TM4SF20: variants seen among roughly 807,000 people sequenced by gnomAD.
The protein encoded by TM4SF20 is transmembrane 4 L six family member 20, also known as transmembrane 4 L6 family member 20.
In TM4SF20, 13 loss-of-function variants were observed where a neutral mutation model predicts 15.1. That is an observed-to-expected ratio of 0.86 (90% CI 0.56 to 1.36). The LOEUF (loss-of-function observed/expected upper bound fraction) is 1.36. Ranked by LOEUF, TM4SF20 falls within the 40% of genes most tolerant of loss-of-function variation. The probability of loss-of-function intolerance (pLI) is 0.00; values close to 1 mark genes in which losing one functional copy is unlikely to be tolerated. For synonymous variants in TM4SF20, 92 were observed against 96.6 expected (o/e 0.95, Z 0.28); for missense variants, 282 against 268.4 (o/e 1.05, Z -0.35).
At chr2:227,364,383 A>ACCCCCCCCC (rs1315331304) in intron 3 of TM4SF20, among the ~76,000 whole-genome samples, 1 of 143,436 alleles carries the variant, frequency 7.0e-6, no homozygotes, top group African/African-American at 2.8e-5. Flanking sequence ...AGCCTCCCCT[A>ACCCCCCCCC]CCCCCCGCCA....
chr2:227,363,779 ATGACTATC>A lies in TM4SF20; in HGVS notation c.627_634del (p.Gln209HisfsTer12). 1 of 1,614,202 alleles carries A rather than the reference ATGACTATC, an allele frequency of 6.2e-7. No individual in the cohort carries two copies. The highest frequency in any genetic ancestry group is 8.5e-7 in the Non-Finnish European group (1 of 1,180,038). ...TCCACACAGACAGCCAAGGAAACCG[ATGACTATC>A]TGACTGAGCCCAAACAGGACCTCCA... is the stretch of plus-strand genomic sequence containing the variant. On this transcript the variant is annotated frameshift_variant, in exon 4 of 4. Coordinates refer to ENST00000304568, the MANE Select transcript of TM4SF20 (RefSeq NM_024795.4). LOFTEE classifies it high-confidence loss of function.
At chr2:227,372,715 G>A (rs1269980490) in intron 1 of TM4SF20, among the ~76,000 whole-genome samples, 1 of 151,974 alleles carries the variant, frequency 6.6e-6, no homozygotes, top group Non-Finnish European at 1.5e-5. Context: ...GTTTTGTTTT[G>A]TTTTTTTGAG....
At position 227,366,235 on chromosome 2, in the gene TM4SF20, A is replaced by C. The variant is rs1299500375; in HGVS notation, c.259T>G (p.Ser87Ala). Residue 87 changes from serine (S) to alanine (A), a missense_variant, in exon 3 of 4, where the codon TCA becomes GCA. Physicochemically the swap from Ser to Ala is moderately conservative, Grantham distance 99 (BLOSUM62 1). Coordinates refer to ENST00000304568, the MANE Select transcript of TM4SF20 (RefSeq NM_024795.4). ...CCNNRTGMFL[S>A]SLFSVITVIG... ...ACTGTGATCACACTGAAAAGTGATG[A>C]AAGAAACATCTGAAAAATAAAATAG... 5 of 1,607,834 alleles carry C rather than the reference A, an allele frequency of 3.1e-6. No homozygotes were observed. Among genetic ancestry groups the C allele is most frequent in the Non-Finnish European group, 4.2e-6 (5 of 1,178,530 alleles).
chr2:227,368,765 G>C (rs1423323154), intron 2 of TM4SF20, among the ~76,000 whole-genome samples: 1 of 152,232 alleles, frequency 6.6e-6, no homozygotes, highest in South Asian at 2.1e-4. Flanking sequence ...AAATGATTCA[G>C]CAAAACCATT....
At chr2:227,368,338 T>TATAC (rs1332995208) in intron 2 of TM4SF20, among the ~76,000 whole-genome samples, 3 of 129,948 alleles carry the variant, frequency 2.3e-5, no homozygotes, top group African/African-American at 1.0e-4. Flanking sequence ...CTATTATTTA[T>TATAC]ATATATATAT....
chr2:227,363,758 C>T lies in TM4SF20; in HGVS notation c.656G>A (p.Cys219Tyr). 6.2e-7 allele frequency: 1 copy of T among 1,614,178 alleles called. No individual in the cohort carries two copies. Among genetic ancestry groups the T allele is most frequent in the South Asian group, 1.1e-5 (1 of 91,086 alleles). The change falls in exon 4 of 4, where the codon TGT (cysteine) becomes TAT (tyrosine). Residue 219 changes from cysteine to tyrosine, a missense_variant. Cys to Tyr is a radical substitution (Grantham distance 194, BLOSUM62 -2). Transcript: ENST00000304568. ...TTGACTTCTTCGCTTAGAGACTCCACACAGACAGCCAAGGAAACCGATGAC... is the reference window on the plus strand; with the variant it reads ...TTGACTTCTTCGCTTAGAGACTCCATACAGACAGCCAAGGAAACCGATGAC... ...QIVIGFLGCLCGVSKRRSQIV is the reference protein window; with the variant it reads ...QIVIGFLGCLYGVSKRRSQIV
chr2:227,378,800 C>T (rs1205663077), intron 1 of TM4SF20, among the ~76,000 whole-genome samples: 2 of 152,180 alleles, frequency 1.3e-5, no homozygotes, highest in Non-Finnish European at 2.9e-5. Flanking sequence ...AACCACAAAG[C>T]TTGAAAGAGC....
intron 1 of TM4SF20, among the ~76,000 whole-genome samples, chr2:227,373,479 T>C (rs1575024686): frequency 6.6e-6 from 1 of 152,234 alleles, no homozygotes; most frequent in Non-Finnish European, 1.5e-5. Flanking sequence ...TAAGCTGTAC[T>C]GCCTTTTGAG....
At position 227,370,914 on chromosome 2, in the gene TM4SF20, C is replaced by G; in HGVS notation, c.249+1G>C. 2 of 1,613,868 alleles carry G rather than the reference C, an allele frequency of 1.2e-6. No homozygotes were observed. The highest frequency in any genetic ancestry group is 1.1e-5 in the South Asian group (1 of 91,060). Reference sequence around the variant, plus strand: ...TTCCACGCCGACTGCTTCATACTTACTCCAGTTCTGTTGTTGCAGCACGCT... The same window carrying G: ...TTCCACGCCGACTGCTTCATACTTAGTCCAGTTCTGTTGTTGCAGCACGCT... On this transcript the variant is annotated splice_donor_variant, in intron 2 of 3. Transcript: ENST00000304568. LOFTEE classifies it high-confidence loss of function.
upstream of TM4SF20, among the ~76,000 whole-genome samples, chr2:227,381,039 G>A (rs2076477500): frequency 6.6e-6 from 1 of 152,068 alleles, no homozygotes; most frequent in Non-Finnish European, 1.5e-5. Flanking sequence ...CTTTGGGAGG[G>A]CGAGGTGGGA....
intron 2 of TM4SF20, among the ~76,000 whole-genome samples, chr2:227,367,300 G>A (rs909321884): frequency 6.6e-6 from 1 of 152,116 alleles, no homozygotes; most frequent in African/African-American, 2.4e-5. Context: ...TCTTTATTTC[G>A]TGAGTCAGTC....
chr2:227,367,166 C>T (rs2076397382), intron 2 of TM4SF20, among the ~76,000 whole-genome samples: 1 of 152,196 alleles, frequency 6.6e-6, no homozygotes, highest in Non-Finnish European at 1.5e-5. Flanking sequence ...CGCCTTGCCA[C>T]CTCCAGCCCG....
rs1476642663 is a variant in TM4SF20 at position 227,366,740 on chromosome 2, AAAAAAAAAAAAAAAAAG to A, written c.250-513_250-497del. 6.4e-3 allele frequency among the ~76,000 whole-genome samples: 661 copies of A among 102,762 alleles called. 6 individuals are homozygous for A. The highest frequency in any genetic ancestry group is 0.038 in the Middle Eastern group (8 of 212). The allele number at this position is 102,762 out of a possible 152,430, so 67.4% of individuals were successfully genotyped here. On this transcript the variant is annotated intron_variant, in intron 2 of 3. Coordinates refer to ENST00000304568, the MANE Select transcript of TM4SF20 (RefSeq NM_024795.4). The stretch of plus-strand genomic sequence containing the variant: ...TCAAAAAAAAAAAAAAAAAAAAAAA[AAAAAAAAAAAAAAAAAG>A]ATGGTTTGGCTTGTCACTGTCTCTG...
intron 1 of TM4SF20, among the ~76,000 whole-genome samples, chr2:227,374,544 A>C (rs1256134034): frequency 6.6e-6 from 1 of 152,206 alleles, no homozygotes; most frequent in African/African-American, 2.4e-5. Flanking sequence ...AGCATATTTG[A>C]ATGCCTGAGT....
In TM4SF20 at chr2:227,363,807, CCTCCAGAAT is replaced by C. The variant is rs749661328; in HGVS notation, c.598_606del (p.Ile200_Glu202del). 1.2e-5 allele frequency: 19 copies of C among 1,614,140 alleles called. No homozygotes were observed. The highest frequency in any genetic ancestry group is 1.6e-4 in the Middle Eastern group (1 of 6,062). On this transcript the variant is annotated inframe_deletion, in exon 4 of 4. Coordinates refer to ENST00000304568, the MANE Select transcript of TM4SF20 (RefSeq NM_024795.4). ...ACTATCTGACTGAGCCCAAACAGGACCTCCAGAATTCCAACAAGCAATAGACCTAAAAAT... is the reference window on the plus strand; with the variant it reads ...ACTATCTGACTGAGCCCAAACAGGACTCCAACAAGCAATAGACCTAAAAAT...
Position 227,379,238 on chromosome 2 carries a change from T to C in TM4SF20, c.31A>G (p.Asn11Asp). The change falls in exon 1 of 4, where the codon AAT becomes GAT. Residue 11 changes from asparagine to aspartate, a missense_variant. Coordinates refer to ENST00000304568, the MANE Select transcript of TM4SF20 (RefSeq NM_024795.4). MTCCEGWTSC[N>D]GFSLLVLLLL... ...AGTAGAACCAGCAGGCTGAATCCAT[T>C]GCAGGATGTCCATCCTTCGCAGCAG... 6.2e-7 allele frequency: 1 copy of C among 1,614,140 alleles called. No individual in the cohort carries two copies. The highest frequency in any genetic ancestry group is 8.5e-7 in the Non-Finnish European group (1 of 1,180,008).
chr2:227,366,347 A>C (rs2076392907), intron 2 of TM4SF20, 103 bp from the exon 3 acceptor site: 4 of 984,852 alleles, frequency 4.1e-6, no homozygotes, highest in Non-Finnish European at 5.9e-6. Context: ...GTCGCCCTAA[A>C]ATCCTGGATC....
chr2:227,370,877 A>G (rs1312815305), intron 2 of TM4SF20, 38 bp downstream of exon 2: 2 of 1,586,872 alleles, frequency 1.3e-6, no homozygotes, highest in Non-Finnish European at 1.7e-6. Context: ...ATAACTGTTC[A>G]TGCACTTCTG....
intron 2 of TM4SF20, among the ~76,000 whole-genome samples, chr2:227,368,393 C>T (rs1277947362): frequency 6.8e-6 from 1 of 146,432 alleles, no homozygotes; most frequent in Non-Finnish European, 1.5e-5. Context: ...CTTTGTTTCC[C>T]AGGATAGAGT....
Sources: gnomAD v4.1 joint callset for allele counts (sites outside exome capture counted in the v4.1 genomes callset) on GRCh38, gnomAD v4.1.1 for gene constraint, MANE v1.5 for transcripts, NCBI Gene and HGNC (gene_info 2026-07-23, HGNC 2026-07-21) for gene names.